The following BNC2 variants were observed in gnomAD, a reference collection of about 807,000 sequenced individuals.
The protein encoded by BNC2 is basonuclin zinc finger protein 2.
In BNC2, 20 loss-of-function variants were observed where a neutral mutation model predicts 76.3. The ratio of observed to expected loss-of-function variants is 0.26; its 90% CI spans 0.18 to 0.38. BNC2 has a LOEUF of 0.38. BNC2 is among the 10% of genes least tolerant of loss of function. The pLI is 1.00. For synonymous variants in BNC2, 582 were observed against 514.8 expected, an observed-to-expected ratio of 1.13 and a Z score of -1.77; for missense variants, 1,382 against 1,399.8, an observed-to-expected ratio of 0.99 and a Z score of 0.20.
chr9:16,467,654 G>A (rs1310307922), intron 5 of BNC2, among the ~76,000 whole-genome samples: 1 of 143,696 alleles, frequency 7.0e-6, no homozygotes, highest in South Asian at 2.5e-4. Context: ...GACACAGGAA[G>A]GGGAATATCA....
rs1293114578 is a variant in BNC2, at chr9:16,409,726, CA to C, written c.*9262del. ...TTAGCCTACCAATAAAAACAAAAAG[CA>C]AAACAGAACAAAACAAAAATAAAAC... On this transcript the variant is annotated 3_prime_UTR_variant, in exon 7 of 7. Coordinates refer to ENST00000380672, the MANE Select transcript of BNC2 (RefSeq NM_017637.6). 6.6e-6 allele frequency: 1 copy of C among 152,488 alleles called. No individual in the cohort carries two copies. Among genetic ancestry groups the C allele is most frequent in the Non-Finnish European group, 1.5e-5 (1 of 68,008 alleles). The allele number at this position is 152,488 out of a possible 1,614,324, so 9.4% of individuals were successfully genotyped here.
At chr9:16,476,006 G>C (rs867662619) in intron 5 of BNC2, 1 of 152,074 alleles carries the variant, frequency 6.6e-6, no homozygotes, top group South Asian at 2.1e-4. Flanking sequence ...AGCAATTCCC[G>C]TGTCCAAAAG....
chr9:16,433,053 C>T (rs1262448115), intron 6 of BNC2, among the ~76,000 whole-genome samples: 1 of 152,188 alleles, frequency 6.6e-6, no homozygotes, highest in Non-Finnish European at 1.5e-5. Flanking sequence ...TCACAGTTCA[C>T]TCTGCTGAGC....
chr9:16,628,196 T>C (rs907064968), intron 3 of BNC2, among the ~76,000 whole-genome samples: 1 of 152,196 alleles, frequency 6.6e-6, no homozygotes, highest in African/African-American at 2.4e-5. Context: ...TGGGACCAGC[T>C]TAGAACAAGC....
At chr9:16,476,567 T>A (rs1009988699) in intron 5 of BNC2, among the ~76,000 whole-genome samples, 1 of 147,396 alleles carries the variant, frequency 6.8e-6, no homozygotes, top group Non-Finnish European at 1.5e-5. Flanking sequence ...GTTGTTTTTT[T>A]TAAAAAAAAA....
intron 4 of BNC2, among the ~76,000 whole-genome samples, chr9:16,571,019 C>T (rs558074676): frequency 5.9e-5 from 9 of 152,208 alleles, no homozygotes; most frequent in East Asian, 1.9e-4. Flanking sequence ...TCAGTACCAA[C>T]GGGCACAATC....
intron 1 of BNC2, chr9:16,867,337 C>CT (rs1819567153): frequency 6.6e-6 from 1 of 152,030 alleles, no homozygotes; most frequent in African/African-American, 2.4e-5. Flanking sequence ...AGTATAATGA[C>CT]TTTTTTATTG....
chr9:16,828,325 T>C (rs1238755142), intron 1 of BNC2, among the ~76,000 whole-genome samples: 1 of 152,246 alleles, frequency 6.6e-6, no homozygotes, highest in Non-Finnish European at 1.5e-5. Context: ...ACATTATATT[T>C]ACCTGAACTT....
At chr9:16,504,529 C>A (rs1822585681) in intron 5 of BNC2, among the ~76,000 whole-genome samples, 1 of 152,050 alleles carries the variant, frequency 6.6e-6, no homozygotes, top group African/African-American at 2.4e-5. Flanking sequence ...ATAAAGTAGA[C>A]CCTGAAAGCT....
chr9:16,815,677 T>G, intron 1 of BNC2, among the ~76,000 whole-genome samples: 1 of 152,214 alleles, frequency 6.6e-6, no homozygotes, highest in South Asian at 2.1e-4. Context: ...CCTTTCTTTT[T>G]AGCCTAAACT....
intron 1 of BNC2, among the ~76,000 whole-genome samples, chr9:16,862,329 G>A (rs1262205507): frequency 2.6e-5 from 4 of 152,218 alleles, no homozygotes; most frequent in Non-Finnish European, 4.4e-5. Context: ...TACATTTTAA[G>A]TGGGTGAGTT....
intron 5 of BNC2, among the ~76,000 whole-genome samples, chr9:16,529,952 G>C (rs1033072778): frequency 2.0e-5 from 3 of 152,048 alleles, no homozygotes; most frequent in Non-Finnish European, 4.4e-5. Flanking sequence ...AGGCTCAACC[G>C]ATTCTTCTGC....
At chr9:16,512,329 T>A (rs1025168173) in intron 5 of BNC2, among the ~76,000 whole-genome samples, 1 of 152,228 alleles carries the variant, frequency 6.6e-6, no homozygotes, top group African/African-American at 2.4e-5. Flanking sequence ...TTATTGTTAC[T>A]GAGGACACTA....
At chr9:16,623,738 T>C (rs1157461489) in intron 3 of BNC2, among the ~76,000 whole-genome samples, 1 of 152,156 alleles carries the variant, frequency 6.6e-6, no homozygotes, top group African/African-American at 2.4e-5. Context: ...ATGTGGGTCA[T>C]AAAGTAAATG....
intron 1 of BNC2, among the ~76,000 whole-genome samples, chr9:16,760,741 A>G (rs1438427494): frequency 6.6e-6 from 1 of 152,204 alleles, no homozygotes; most frequent in African/African-American, 2.4e-5. Context: ...AGGTGTATCT[A>G]ACCACAGAGA....
At chr9:16,557,722 A>G (rs1818880431) in intron 4 of BNC2, among the ~76,000 whole-genome samples, 1 of 151,962 alleles carries the variant, frequency 6.6e-6, no homozygotes, top group Non-Finnish European at 1.5e-5. Context: ...TTTTCTCTAT[A>G]GTGAGTTGAT....
At position 16,609,236 on chromosome 9, in the gene BNC2, T is replaced by C. The variant is rs12337526; in HGVS notation, c.331-26151A>G. Among the ~76,000 whole-genome samples the C allele has an allele frequency of 6.6e-3, 1,001 of 152,276 alleles. 9 individuals are homozygous for C. The highest frequency in any genetic ancestry group is 0.022 in the African/African-American group (911 of 41,556). ...ATTACTACAACAAGTATTTTGTGAA[T>C]GCCTACTCTGTGCTGGGGATTGTAT... On this transcript the variant is annotated intron_variant, in intron 3 of 6. Transcript: ENST00000380672.
intron 4 of BNC2, among the ~76,000 whole-genome samples, chr9:16,573,527 G>C (rs539072437): frequency 0.18 from 26,842 of 152,024 alleles, 4,406 homozygotes; most frequent in African/African-American, 0.43. Flanking sequence ...ACAGCCAGGT[G>C]TAGAGTTGCC....
intron 1 of BNC2, among the ~76,000 whole-genome samples, chr9:16,848,806 A>G (rs978982479): frequency 2.0e-5 from 3 of 152,184 alleles, no homozygotes; most frequent in African/African-American, 4.8e-5. Context: ...CTTTTTGAGT[A>G]CCAACATGTC....
Sources: allele counts gnomAD v4.1 joint callset (sites outside exome capture counted in the v4.1 genomes callset), GRCh38; gene constraint gnomAD v4.1.1; transcripts MANE v1.5; gene names NCBI Gene and HGNC (gene_info 2026-07-23, HGNC 2026-07-21).